The following VPS50 variants were observed in gnomAD, a reference collection of about 807,000 sequenced individuals.
VPS50 encodes syndetin.
In VPS50, 70 loss-of-function variants were observed where a neutral mutation model predicts 139.7. That is an observed-to-expected ratio of 0.50 (90% CI 0.41 to 0.61). VPS50 has a LOEUF of 0.61. Ranked by LOEUF, VPS50 falls within the 20% of genes least tolerant of loss-of-function variation. The pLI is 0.00. For synonymous variants in VPS50, 365 were observed against 376.7 expected, an observed-to-expected ratio of 0.97 and a Z score of 0.36; for missense variants, 921 against 1,133.7, an observed-to-expected ratio of 0.81 and a Z score of 2.69.
intron 19 of VPS50, among the ~76,000 whole-genome samples, chr7:93,309,516 T>C (rs1562880020): frequency 6.6e-6 from 1 of 151,970 alleles, no homozygotes; most frequent in Non-Finnish European, 1.5e-5. Flanking sequence ...GGTGGCCATT[T>C]ATGCTTTACA....
chr7:93,291,542 AT>A (rs1404052132), intron 12 of VPS50, among the ~76,000 whole-genome samples, 160 bp from the exon 13 acceptor site: 1 of 151,814 alleles, frequency 6.6e-6, no homozygotes, highest in Non-Finnish European at 1.5e-5. Flanking sequence ...TTATTTAAAA[AT>A]TTTTTTTCTC....
chr7:93,302,304 G>A (rs187963642), intron 16 of VPS50, among the ~76,000 whole-genome samples: 193 of 148,610 alleles, frequency 1.3e-3, no homozygotes, highest in Admixed American at 2.5e-3. Context: ...CATAATAAAT[G>A]TTTTGACTAT....
intron 23 of VPS50, among the ~76,000 whole-genome samples, chr7:93,347,550 A>G (rs1798434230): frequency 8.1e-6 from 1 of 123,470 alleles, no homozygotes; most frequent in Admixed American, 8.2e-5. Flanking sequence ...GGCACTATTC[A>G]CAATGGCAAA....
At chr7:93,283,782 G>C (rs1264681814) in intron 12 of VPS50, among the ~76,000 whole-genome samples, 1 of 152,172 alleles carries the variant, frequency 6.6e-6, no homozygotes, top group African/African-American at 2.4e-5. Context: ...GTGTGTCCAG[G>C]AATGGAAAGG....
intron 21 of VPS50, among the ~76,000 whole-genome samples, chr7:93,329,598 A>G (rs1047333809): frequency 2.0e-5 from 3 of 152,184 alleles, no homozygotes; most frequent in Admixed American, 6.5e-5. Context: ...AAGAAGAGGA[A>G]GCATAAAGAA....
chr7:93,258,423 C>T (rs961944275), intron 8 of VPS50, 31 bp downstream of exon 8: 22 of 1,551,706 alleles, frequency 1.4e-5, no homozygotes, highest in Admixed American at 3.3e-5. Context: ...AATTTAGGGT[C>T]CTACTGATAT....
intron 11 of VPS50, among the ~76,000 whole-genome samples, chr7:93,275,642 A>G (rs763490318): frequency 6.6e-6 from 1 of 152,222 alleles, no homozygotes; most frequent in Non-Finnish European, 1.5e-5. Context: ...ACACTGGGAA[A>G]TAAAAAAATT....
At chr7:93,252,896 A>G (rs1795377068) in intron 3 of VPS50, 121 bp downstream of exon 3, 1 of 661,028 alleles carries the variant, frequency 1.5e-6, no homozygotes, top group African/African-American at 1.9e-5. Flanking sequence ...GTCTGTGATT[A>G]CCACATTGTG....
At chr7:93,267,610 C>T (rs1248075837) in intron 9 of VPS50, among the ~76,000 whole-genome samples, 1 of 152,114 alleles carries the variant, frequency 6.6e-6, no homozygotes, top group Non-Finnish European at 1.5e-5. Flanking sequence ...GTATTCCTTA[C>T]TGTAGTACAG....
intron 23 of VPS50, among the ~76,000 whole-genome samples, chr7:93,342,970 A>G (rs1798269112): frequency 6.6e-6 from 1 of 152,368 alleles, no homozygotes; most frequent in East Asian, 1.9e-4. Flanking sequence ...GCAACGGAAC[A>G]AAGCTGGACG....
At chr7:93,269,834 C>T (rs2116876613) in intron 9 of VPS50, among the ~76,000 whole-genome samples, 1 of 152,144 alleles carries the variant, frequency 6.6e-6, no homozygotes, top group Middle Eastern at 3.4e-3. Context: ...CCCCTTTGAG[C>T]TACTGGTATG....
At chr7:93,277,132 T>C (rs1796181367) in intron 12 of VPS50, among the ~76,000 whole-genome samples, 1 of 151,766 alleles carries the variant, frequency 6.6e-6, no homozygotes, top group African/African-American at 2.4e-5. Context: ...CATTCAGGGG[T>C]TAGATAGAGG....
intron 23 of VPS50, among the ~76,000 whole-genome samples, chr7:93,341,783 G>T (rs1040961760): frequency 6.6e-5 from 10 of 152,100 alleles, no homozygotes; most frequent in Non-Finnish European, 1.2e-4. Context: ...ATGGAAAGAA[G>T]GAAATCTTTT....
Position 93,272,624 on chromosome 7 carries a change from T to G in VPS50, c.703-11T>G. The G allele has an allele frequency of 7.9e-7, 1 of 1,267,256 alleles. No individual in the cohort carries two copies. Among genetic ancestry groups the G allele is most frequent in the Non-Finnish European group, 1.1e-6 (1 of 901,278 alleles). 78.5% of individuals were successfully genotyped at this position (1,267,256 alleles called of 1,614,324 possible). A position where few individuals can be genotyped will look rare whatever the true frequency, so the allele number is the denominator to read the frequency against. ...CTTAACCATGTCTTGCTTCTTCTTTTAATTATATAGGAACAGCTGGACGTA... is the reference window on the plus strand; with the variant it reads ...CTTAACCATGTCTTGCTTCTTCTTTGAATTATATAGGAACAGCTGGACGTA... On this transcript the variant is annotated splice_polypyrimidine_tract_variant and intron_variant, in intron 10 of 27. Coordinates refer to ENST00000305866, the MANE Select transcript of VPS50 (RefSeq NM_017667.4).
At chr7:93,270,595 A>G (rs1356298209) in intron 9 of VPS50, among the ~76,000 whole-genome samples, 2 of 151,986 alleles carry the variant, frequency 1.3e-5, no homozygotes, top group Non-Finnish European at 2.9e-5. Flanking sequence ...GTATGTATCC[A>G]GGACTAGACC....
chr7:93,339,376 T>G (rs981087889), intron 22 of VPS50, among the ~76,000 whole-genome samples: 1 of 151,966 alleles, frequency 6.6e-6, no homozygotes, highest in Non-Finnish European at 1.5e-5. Context: ...CTTTCTAACT[T>G]GAAAAGTTTT....
At chr7:93,302,312 T>A (rs57913728) in intron 16 of VPS50, among the ~76,000 whole-genome samples, 22,398 of 151,848 alleles carry the variant, frequency 0.15, 2,670 homozygotes, top group East Asian at 0.39. Flanking sequence ...ATGTTTTGAC[T>A]ATCTCACATC....
At chr7:93,273,403 G>A (rs528753711) in intron 11 of VPS50, 83 of 151,910 alleles carry the variant, frequency 5.5e-4, no homozygotes, top group African/African-American at 2.0e-3. Flanking sequence ...CCCTTAAACG[G>A]TCCCCTCTTT....
At chr7:93,272,598 C>A in intron 10 of VPS50, 37 bp from the exon 11 acceptor site, 2 of 874,624 alleles carry the variant, frequency 2.3e-6, no homozygotes, top group South Asian at 1.6e-5. Flanking sequence ...AAACATAATT[C>A]CTTAACCATG....
Sources: gnomAD v4.1 joint callset for allele counts (sites outside exome capture counted in the v4.1 genomes callset) on GRCh38, gnomAD v4.1.1 for gene constraint, MANE v1.5 for transcripts, NCBI Gene and HGNC (gene_info 2026-07-23, HGNC 2026-07-21) for gene names.